Variants in DENND4A observed in about 807,000 individuals in gnomAD.
The protein encoded by DENND4A is C-myc promoter-binding protein.
DENND4A carries 70 observed loss-of-function variants against 199.3 expected under a neutral mutation model. That is an observed-to-expected ratio of 0.35 (90% confidence interval 0.29 to 0.43). The LOEUF (loss-of-function observed/expected upper bound fraction) is 0.43, where lower values mean the gene tolerates loss of function less well. Ranked by LOEUF, DENND4A falls within the 20% of genes least tolerant of loss-of-function variation. DENND4A has a pLI of 1.00. For synonymous variants in DENND4A, 686 were observed against 766.9 expected (o/e 0.89, Z 1.74); for missense variants, 1,723 against 2,255.8 (o/e 0.76, Z 4.78).
At chr15:65,759,352 C>A (rs2076793034) in intron 2 of DENND4A, among the ~76,000 whole-genome samples, 1 of 152,086 alleles carries the variant, frequency 6.6e-6, no homozygotes, top group African/African-American at 2.4e-5. Flanking sequence ...GTGGCATGTG[C>A]CTGTAGTCCC....
At chr15:65,702,592 T>G (rs2074912618) in intron 16 of DENND4A, 81 bp from the exon 17 acceptor site, 1 of 1,167,756 alleles carries the variant, frequency 8.6e-7, no homozygotes, top group East Asian at 2.6e-5. Flanking sequence ...CAAGTACAAG[T>G]CACATGCTTT....
At chr15:65,727,536 A>G (rs2075838255) in intron 11 of DENND4A, among the ~76,000 whole-genome samples, 1 of 151,576 alleles carries the variant, frequency 6.6e-6, no homozygotes, top group Admixed American at 6.6e-5. Flanking sequence ...CTGAGGCAGG[A>G]GGATTGCTTG....
At chr15:65,751,107 A>T (rs2076550223) in intron 4 of DENND4A, among the ~76,000 whole-genome samples, 3 of 152,194 alleles carry the variant, frequency 2.0e-5, no homozygotes, top group Admixed American at 2.0e-4. Context: ...TTTAAAGAAA[A>T]AATTTGCCTG....
intron 1 of DENND4A, among the ~76,000 whole-genome samples, chr15:65,786,333 T>C (rs142728782): frequency 9.7e-4 from 148 of 152,244 alleles, no homozygotes; most frequent in African/African-American, 3.2e-3. Flanking sequence ...TAAAATCCAT[T>C]ATACCATGAC....
chr15:65,700,806 A>G, intron 19 of DENND4A, 131 bp from the exon 20 acceptor site: 1 of 1,025,600 alleles, frequency 9.8e-7, no homozygotes, highest in Non-Finnish European at 1.3e-6. Context: ...AAATACAACT[A>G]TAACAAAGAA....
chr15:65,741,393 AAATTT>A (rs1323149981), intron 5 of DENND4A, among the ~76,000 whole-genome samples: 1 of 152,242 alleles, frequency 6.6e-6, no homozygotes, highest in Non-Finnish European at 1.5e-5. Context: ...AGCTCTTACT[AAATTT>A]AAGTATTAAA....
chr15:65,720,802 T>C (rs2075597634), intron 12 of DENND4A, among the ~76,000 whole-genome samples: 1 of 151,418 alleles, frequency 6.6e-6, no homozygotes, highest in African/African-American at 2.4e-5. Context: ...CTCATTCTCA[T>C]AGCTGTAACG....
chr15:65,747,517 C>T (rs2076433348), intron 4 of DENND4A, among the ~76,000 whole-genome samples: 3 of 152,152 alleles, frequency 2.0e-5, no homozygotes, highest in Non-Finnish European at 4.4e-5. Context: ...GACCCAGACA[C>T]TCTAGAACCA....
At chr15:65,760,480 A>ATT (rs2076825708) in intron 2 of DENND4A, among the ~76,000 whole-genome samples, 2 of 152,236 alleles carry the variant, frequency 1.3e-5, no homozygotes, top group Non-Finnish European at 2.9e-5. Flanking sequence ...CCTGGGCAAG[A>ATT]GTGAGACTCT....
chr15:65,696,226 C>T (rs1477524856), intron 22 of DENND4A, 140 bp downstream of exon 22: 25 of 1,037,698 alleles, frequency 2.4e-5, no homozygotes, highest in Non-Finnish European at 3.3e-5. Context: ...ACTCAAGTTA[C>T]TAAGCTATGC....
chr15:65,734,700 T>C (rs1456059716), intron 7 of DENND4A, among the ~76,000 whole-genome samples: 2 of 152,020 alleles, frequency 1.3e-5, no homozygotes, highest in East Asian at 1.9e-4. Flanking sequence ...AACTATGAAG[T>C]AGTTAGAACA....
chr15:65,751,581 C>T (rs1677109447), intron 4 of DENND4A, among the ~76,000 whole-genome samples: 1 of 152,002 alleles, frequency 6.6e-6, no homozygotes, highest in South Asian at 2.1e-4. Flanking sequence ...ATGAGGCACT[C>T]CATTGTGTAG....
intron 16 of DENND4A, among the ~76,000 whole-genome samples, 152 bp from the exon 17 acceptor site, chr15:65,702,663 T>C (rs903500445): frequency 6.6e-6 from 1 of 152,234 alleles, no homozygotes; most frequent in African/African-American, 2.4e-5. Flanking sequence ...TCTTTTTGAA[T>C]CTGTATTAAA....
chr15:65,733,159 T>C (rs889475777), intron 7 of DENND4A, among the ~76,000 whole-genome samples: 1 of 152,238 alleles, frequency 6.6e-6, no homozygotes, highest in East Asian at 1.9e-4. Context: ...ATATGCTTTT[T>C]AGTCAATTGC....
intron 20 of DENND4A, among the ~76,000 whole-genome samples, chr15:65,700,316 T>C (rs1361277355): frequency 6.6e-6 from 1 of 152,046 alleles, no homozygotes; most frequent in Non-Finnish European, 1.5e-5. Context: ...ACTAAATACT[T>C]GAATAAAGTG....
chr15:65,697,477 T>G, intron 20 of DENND4A, 94 bp from the exon 21 acceptor site: 1 of 763,906 alleles, frequency 1.3e-6, no homozygotes, highest in South Asian at 1.7e-5. Context: ...TGGATTTCCT[T>G]ATAAATTTTT....
chr15:65,737,238 T>C (rs1443759700), intron 7 of DENND4A, among the ~76,000 whole-genome samples: 1 of 152,142 alleles, frequency 6.6e-6, no homozygotes, highest in African/African-American at 2.4e-5. Context: ...TTCTGTAGTT[T>C]TGTAGAGATG....
chr15:65,667,850 C>A (rs920545637), intron 28 of DENND4A, 75 bp downstream of exon 28: 11 of 1,519,786 alleles, frequency 7.2e-6, no homozygotes, highest in Non-Finnish European at 8.9e-6. Flanking sequence ...GCTAATAAGA[C>A]TACTTAAGAC....
intron 15 of DENND4A, 79 bp from the exon 16 acceptor site, chr15:65,703,087 T>C (rs2074931591): frequency 3.0e-6 from 4 of 1,322,910 alleles, no homozygotes; most frequent in Non-Finnish European, 4.1e-6. Flanking sequence ...CAGGTTAATA[T>C]AATTACGACC....
Sources: allele counts gnomAD v4.1 joint callset (sites outside exome capture counted in the v4.1 genomes callset), GRCh38; gene constraint gnomAD v4.1.1; transcripts MANE v1.5; gene names NCBI Gene and HGNC (gene_info 2026-07-23, HGNC 2026-07-21).